Variants in DYRK1A observed in about 807,000 individuals in gnomAD.
DYRK1A encodes the protein dual specificity tyrosine phosphorylation regulated kinase 1A.
Under a neutral mutation model 79.7 loss-of-function variants are expected in DYRK1A, and 9 were observed. The observed-to-expected ratio is 0.11, with a 90% CI of 0.07 to 0.20. The LOEUF (loss-of-function observed/expected upper bound fraction) is 0.20. Ranked by LOEUF, DYRK1A falls within the 10% of genes least tolerant of loss-of-function variation. The pLI is 1.00. For missense variants in DYRK1A, 622 were observed against 956.0 expected (o/e 0.65, Z 4.61); for synonymous variants, 349 against 329.7 (o/e 1.06, Z -0.63).
intron 9 of DYRK1A, chr21:37,503,602 T>A (rs1428190607): frequency 6.6e-6 from 1 of 152,206 alleles, no homozygotes; most frequent in African/African-American, 2.4e-5. Flanking sequence ...TTAAAATTTT[T>A]TGTAGGAACG....
Position 37,505,319 on chromosome 21 carries a change from A to G in DYRK1A, c.1249A>G (p.Ile417Val), listed in dbSNP as rs748516503. 1.2e-6 allele frequency: 2 copies of G among 1,613,998 alleles called. No individual in the cohort carries two copies. Among genetic ancestry groups the G allele is most frequent in the Non-Finnish European group, 1.7e-6 (2 of 1,179,922 alleles). The change falls in exon 10 of 12, where the codon ATT becomes GTT. Residue 417 changes from isoleucine to valine, a missense_variant. Transcript: ENST00000647188. ...KPPGTRKLHN[I>V]LGVETGGPGG... ...ACCAGGAACCCGTAAACTTCATAACATTCTTGGAGTGGAAACAGGAGGACC... is the reference window on the plus strand; with the variant it reads ...ACCAGGAACCCGTAAACTTCATAACGTTCTTGGAGTGGAAACAGGAGGACC...
At chr21:37,415,165 C>G (rs1299505911) in intron 1 of DYRK1A, among the ~76,000 whole-genome samples, 1 of 152,156 alleles carries the variant, frequency 6.6e-6, no homozygotes, top group East Asian at 1.9e-4. Flanking sequence ...CTCAGAGATA[C>G]TGAGTTGATG....
At chr21:37,476,952 C>T (rs2052420329) in intron 3 of DYRK1A, among the ~76,000 whole-genome samples, 1 of 151,634 alleles carries the variant, frequency 6.6e-6, no homozygotes, top group Non-Finnish European at 1.5e-5. Context: ...CAGAAGAAAC[C>T]AGTGTTAATG....
intron 9 of DYRK1A, among the ~76,000 whole-genome samples, chr21:37,499,665 T>TC (rs988378716): frequency 1.3e-5 from 2 of 152,160 alleles, no homozygotes; most frequent in African/African-American, 4.8e-5. Context: ...GTTTTTAATT[T>TC]TTTAGATGCT....
intron 1 of DYRK1A, among the ~76,000 whole-genome samples, chr21:37,376,236 G>A (rs893645586): frequency 3.3e-5 from 5 of 152,120 alleles, no homozygotes; most frequent in African/African-American, 9.7e-5. Context: ...TAGGCCAGGC[G>A]CAGTGGCTCA....
rs1359416821 is a variant in DYRK1A, at chr21:37,523,957, A to G, written c.*11426A>G. 5 of 152,244 alleles carry G rather than the reference A, an allele frequency of 3.3e-5. No homozygotes were observed. Among genetic ancestry groups the G allele is most frequent in the Non-Finnish European group, 7.3e-5 (5 of 68,044 alleles). The allele number at this position is 152,244 out of a possible 1,614,324, so 9.4% of individuals were successfully genotyped here. ...CAATGTAAATTGCAGTGACACAGTT[A>G]TAACTCAGCAGCATTTTGAATGCCA... On this transcript the variant is annotated 3_prime_UTR_variant, in exon 12 of 12. Transcript: ENST00000647188.
At chr21:37,402,411 T>C (rs1467537099) in intron 1 of DYRK1A, among the ~76,000 whole-genome samples, 1 of 152,208 alleles carries the variant, frequency 6.6e-6, no homozygotes, top group Non-Finnish European at 1.5e-5. Context: ...TTTTGTCTTT[T>C]AGCACTTTAA....
chr21:37,428,042 C>T (rs774084600), intron 2 of DYRK1A, among the ~76,000 whole-genome samples: 1 of 152,078 alleles, frequency 6.6e-6, no homozygotes, highest in South Asian at 2.1e-4. Flanking sequence ...CTAATGATAA[C>T]TCTGGTACAG....
chr21:37,445,956 T>G (rs892427333), intron 2 of DYRK1A, among the ~76,000 whole-genome samples: 2 of 152,142 alleles, frequency 1.3e-5, no homozygotes, highest in Non-Finnish European at 2.9e-5. Flanking sequence ...CTGGGCAGCC[T>G]AGTGAGACCC....
At chr21:37,378,138 T>C (rs773155245) in intron 1 of DYRK1A, among the ~76,000 whole-genome samples, 1 of 152,262 alleles carries the variant, frequency 6.6e-6, no homozygotes, top group Non-Finnish European at 1.5e-5. Context: ...TTTGCATTTC[T>C]TTAATTATGA....
chr21:37,396,943 A>T (rs1208375563), intron 1 of DYRK1A, among the ~76,000 whole-genome samples: 3 of 152,136 alleles, frequency 2.0e-5, no homozygotes, highest in Non-Finnish European at 4.4e-5. Context: ...TGACTGCCTC[A>T]CGTGGTCATC....
At chr21:37,398,184 A>AC (rs1197371273) in intron 1 of DYRK1A, among the ~76,000 whole-genome samples, 2 of 150,938 alleles carry the variant, frequency 1.3e-5, no homozygotes, top group African/African-American at 4.9e-5. Context: ...ACATACACAC[A>AC]CACAAAATAG....
chr21:37,438,299 C>G (rs967419540), intron 2 of DYRK1A, among the ~76,000 whole-genome samples: 1 of 152,010 alleles, frequency 6.6e-6, no homozygotes, highest in Non-Finnish European at 1.5e-5. Flanking sequence ...TCTTGAAGAT[C>G]TGATGTTTTC....
intron 9 of DYRK1A, 175 bp from the exon 10 acceptor site, chr21:37,505,108 G>A (rs2053555524): frequency 3.3e-6 from 2 of 600,832 alleles, no homozygotes; most frequent in Non-Finnish European, 5.8e-6. Flanking sequence ...ATGTTGAACT[G>A]TAACTACCAT....
At chr21:37,452,906 A>C (rs992524985) in intron 2 of DYRK1A, among the ~76,000 whole-genome samples, 28 of 152,252 alleles carry the variant, frequency 1.8e-4, no homozygotes, top group African/African-American at 6.5e-4. Flanking sequence ...TAGAAATGTA[A>C]GCCACTTATG....
At chr21:37,441,593 T>C (rs1239535166) in intron 2 of DYRK1A, among the ~76,000 whole-genome samples, 1 of 152,152 alleles carries the variant, frequency 6.6e-6, no homozygotes, top group Non-Finnish European at 1.5e-5. Flanking sequence ...CTCTTTATCT[T>C]ATCACAGTCT....
intron 1 of DYRK1A, among the ~76,000 whole-genome samples, chr21:37,374,804 T>C (rs2049504795): frequency 6.6e-6 from 1 of 152,120 alleles, no homozygotes; most frequent in Non-Finnish European, 1.5e-5. Context: ...CCGCCTGCCT[T>C]GGCCTCCCAA....
rs2053789488 is a variant in DYRK1A at position 37,512,666 on chromosome 21, T to TA, written c.*135_*136insA. 1.9e-6 allele frequency: 2 copies of TA among 1,059,970 alleles called. No individual in the cohort carries two copies. The highest frequency in any genetic ancestry group is 2.7e-6 in the Non-Finnish European group (2 of 747,384). 65.7% of individuals were successfully genotyped at this position (1,059,970 alleles called of 1,614,324 possible). ...CCGCTACAAGAGGGCAAAGCTGATTTTTTTTTTAACTTGAAAAGATTGCAA... is the reference window on the plus strand; with the variant it reads ...CCGCTACAAGAGGGCAAAGCTGATTTATTTTTTTAACTTGAAAAGATTGCAA... On this transcript the variant is annotated 3_prime_UTR_variant, in exon 12 of 12. Transcript: ENST00000647188.
intron 2 of DYRK1A, among the ~76,000 whole-genome samples, chr21:37,446,059 G>A (rs1278980689): frequency 6.6e-6 from 1 of 152,142 alleles, no homozygotes; most frequent in Non-Finnish European, 1.5e-5. Context: ...AATCAGTGTT[G>A]CTACCAGAGT....
Sources: allele counts gnomAD v4.1 joint callset (sites outside exome capture counted in the v4.1 genomes callset), GRCh38; gene constraint gnomAD v4.1.1; transcripts MANE v1.5; gene names NCBI Gene and HGNC (gene_info 2026-07-23, HGNC 2026-07-21).